Variants in SPON1 observed in about 807,000 individuals in gnomAD.
The protein encoded by SPON1 is spondin-1.
In SPON1, 52 loss-of-function variants were observed where a neutral mutation model predicts 111.7. That is an observed-to-expected ratio of 0.47 (90% confidence interval 0.37 to 0.59). The LOEUF (loss-of-function observed/expected upper bound fraction) is 0.59, where lower values mean the gene tolerates loss of function less well. Among genes scored for constraint, SPON1 ranks in the 20% least tolerant of loss-of-function variants. The pLI is 0.00. For synonymous variants in SPON1, 410 were observed against 395.8 expected, an observed-to-expected ratio of 1.04 and a Z score of -0.43; for missense variants, 957 against 1,068.5, an observed-to-expected ratio of 0.90 and a Z score of 1.46.
intron 2 of SPON1, among the ~76,000 whole-genome samples, chr11:14,002,237 G>A (rs1209734008): frequency 6.6e-6 from 1 of 152,142 alleles, no homozygotes; most frequent in Non-Finnish European, 1.5e-5. Context: ...GTTTTCAACT[G>A]GTAATGAACA....
intron 6 of SPON1, among the ~76,000 whole-genome samples, chr11:14,191,975 AT>A (rs371313423): frequency 3.9e-4 from 59 of 152,264 alleles, no homozygotes; most frequent in African/African-American, 1.3e-3. Context: ...ATTTTATTGT[AT>A]TTTGCCCTTA....
At chr11:13,993,834 G>A (rs1848250539) in intron 2 of SPON1, among the ~76,000 whole-genome samples, 1 of 152,168 alleles carries the variant, frequency 6.6e-6, no homozygotes, top group Non-Finnish European at 1.5e-5. Context: ...CACAGCATTT[G>A]CACTAAAATT....
At chr11:14,216,042 G>T (rs1246568653) in intron 6 of SPON1, among the ~76,000 whole-genome samples, 4 of 152,150 alleles carry the variant, frequency 2.6e-5, no homozygotes, top group African/African-American at 9.7e-5. Flanking sequence ...AGGGAAAATG[G>T]GTATTGAGGA....
At chr11:13,999,356 T>C (rs1219278762) in intron 2 of SPON1, among the ~76,000 whole-genome samples, 2 of 152,080 alleles carry the variant, frequency 1.3e-5, no homozygotes, top group African/African-American at 4.8e-5. Context: ...TTCCATGAGA[T>C]ACAGTCCCAT....
In SPON1 at chr11:14,135,591, T is replaced by C. The variant is rs781880540; in HGVS notation, c.825+23T>C. 10 of 1,609,088 alleles carry C rather than the reference T, an allele frequency of 6.2e-6. No homozygotes were observed. The African/African-American group carries it at 8.0e-5, about 13-fold the overall frequency. ...CAGGTAAGACAAAAAAATCACAGAATGACCAAATAACAGAAATGCAGTCAA... is the reference window on the plus strand; with the variant it reads ...CAGGTAAGACAAAAAAATCACAGAACGACCAAATAACAGAAATGCAGTCAA... On this transcript the variant is annotated intron_variant, in intron 6 of 15. Transcript: ENST00000576479. This position sits in a 1 kb window ranked among gnomAD's most constrained non-coding sequence, Gnocchi z 4.4.
At chr11:14,102,470 A>G (rs12575495) in intron 5 of SPON1, among the ~76,000 whole-genome samples, 7,437 of 152,292 alleles carry the variant, frequency 0.049, 238 homozygotes, top group South Asian at 0.16. Flanking sequence ...TACACTTAAC[A>G]GCACGTCTCA....
At chr11:14,061,929 T>G in intron 3 of SPON1, among the ~76,000 whole-genome samples, 1 of 152,260 alleles carries the variant, frequency 6.6e-6, no homozygotes, top group East Asian at 1.9e-4. Context: ...ACTGCAGGCT[T>G]GCATGTGGTC....
At chr11:14,064,177 C>G (rs1591365525) in intron 3 of SPON1, among the ~76,000 whole-genome samples, 1 of 152,194 alleles carries the variant, frequency 6.6e-6, no homozygotes, top group East Asian at 1.9e-4. Flanking sequence ...TAACAAGGTT[C>G]CTACCCTCAA....
In SPON1 at chr11:14,007,438, T is replaced by G. The variant is rs147501635; in HGVS notation, c.345+24485T>G. ...AATCCAGCATGGGAGAAAGATGTAG[T>G]CTGGGAGGCTAGGCCAGTCTCTCCT... On this transcript the variant is annotated intron_variant, in intron 2 of 15. Coordinates refer to ENST00000576479, the MANE Select transcript of SPON1 (RefSeq NM_006108.4). Among the ~76,000 whole-genome samples, 800 of 152,280 alleles carry G rather than the reference T, an allele frequency of 5.3e-3. 9 individuals are homozygous for G. Among genetic ancestry groups the G allele is most frequent in the African/African-American group, 0.018 (739 of 41,532 alleles).
intron 5 of SPON1, among the ~76,000 whole-genome samples, chr11:14,118,553 G>A (rs757120580): frequency 3.9e-5 from 6 of 152,140 alleles, no homozygotes; most frequent in Admixed American, 6.5e-5. Context: ...AAATAAATCA[G>A]GAGTCAGAAG....
intron 5 of SPON1, among the ~76,000 whole-genome samples, chr11:14,102,715 T>C (rs1849153617): frequency 1.3e-5 from 2 of 152,252 alleles, no homozygotes; most frequent in Non-Finnish European, 2.9e-5. Flanking sequence ...AGGCAGTTAC[T>C]ATGTAGACTC....
intron 5 of SPON1, among the ~76,000 whole-genome samples, chr11:14,113,507 C>T (rs1434728098): frequency 6.7e-6 from 1 of 149,786 alleles, no homozygotes; most frequent in African/African-American, 2.5e-5. Flanking sequence ...ACCAGATTTC[C>T]TGAGTGCACC....
intron 3 of SPON1, among the ~76,000 whole-genome samples, chr11:14,063,296 A>G (rs1554920047): frequency 6.6e-6 from 1 of 150,544 alleles, no homozygotes; most frequent in Non-Finnish European, 1.5e-5. Context: ...CCATTAAAAT[A>G]AAAAAAATTC....
chr11:14,266,818 T>A lies in SPON1; in HGVS notation c.*1131T>A, dbSNP rs1188578079. 6.6e-6 allele frequency: 1 copy of A among 152,056 alleles called. No homozygotes were observed. The highest frequency in any genetic ancestry group is 6.5e-5 in the Admixed American group (1 of 15,270). 9.4% of individuals were successfully genotyped at this position (152,056 alleles called of 1,614,324 possible). A position where few individuals can be genotyped will look rare whatever the true frequency, so the allele number is the denominator to read the frequency against. On this transcript the variant is annotated 3_prime_UTR_variant, in exon 16 of 16. Coordinates refer to ENST00000576479, the MANE Select transcript of SPON1 (RefSeq NM_006108.4). ...CTGAGCAAGCAATTCTGGTGGAAAGTCAAACCTGTCAGTGCTCCACACCAG... is the reference window on the plus strand; with the variant it reads ...CTGAGCAAGCAATTCTGGTGGAAAGACAAACCTGTCAGTGCTCCACACCAG...
intron 3 of SPON1, among the ~76,000 whole-genome samples, chr11:14,054,874 ACAGTGTG>A (rs1468038294): frequency 6.6e-6 from 1 of 152,332 alleles, no homozygotes; most frequent in East Asian, 1.9e-4. Flanking sequence ...GTACAGGCTC[ACAGTGTG>A]CAAATCGGTC....
At chr11:14,095,573 C>T (rs1307344640) in intron 5 of SPON1, among the ~76,000 whole-genome samples, 1 of 152,128 alleles carries the variant, frequency 6.6e-6, no homozygotes, top group East Asian at 1.9e-4. Context: ...ATTCCAAAAG[C>T]CTGAGAACAA....
intron 5 of SPON1, among the ~76,000 whole-genome samples, chr11:14,099,287 G>T (rs1282949102): frequency 6.6e-6 from 1 of 152,128 alleles, no homozygotes; most frequent in Non-Finnish European, 1.5e-5. Flanking sequence ...AATAAGCTGT[G>T]TAGCTTATTA....
intron 2 of SPON1, among the ~76,000 whole-genome samples, chr11:14,020,614 A>C (rs1220370417): frequency 1.3e-5 from 2 of 152,240 alleles, no homozygotes; most frequent in Non-Finnish European, 2.9e-5. Context: ...TGTAAGTACG[A>C]GGATGTTGAT....
chr11:14,156,906 G>A (rs967733409), intron 6 of SPON1, among the ~76,000 whole-genome samples: 2 of 152,244 alleles, frequency 1.3e-5, no homozygotes, highest in East Asian at 3.9e-4. Context: ...TACAAGAACA[G>A]CAAGGGGAAG....
Sources: allele counts gnomAD v4.1 joint callset (sites outside exome capture counted in the v4.1 genomes callset), GRCh38; gene constraint gnomAD v4.1.1; non-coding constraint Gnocchi (gnomAD v3.1); transcripts MANE v1.5; gene names NCBI Gene and HGNC (gene_info 2026-07-23, HGNC 2026-07-21).